Variants in GOLIM4 observed in about 807,000 individuals in gnomAD.
GOLIM4 encodes the protein 130 kDa golgi-localized phosphoprotein.
In GOLIM4, 71 loss-of-function variants were observed where a neutral mutation model predicts 107.4. The observed-to-expected ratio is 0.66, with a 90% CI of 0.55 to 0.81. The LOEUF (loss-of-function observed/expected upper bound fraction) is 0.81, where lower values mean the gene tolerates loss of function less well. GOLIM4 is among the 30% of genes least tolerant of loss of function. The probability of loss-of-function intolerance (pLI) is 0.00; values close to 1 mark genes in which losing one functional copy is unlikely to be tolerated. For missense variants in GOLIM4, 830 were observed against 826.1 expected (o/e 1.00, Z -0.06); for synonymous variants, 327 against 294.8 (o/e 1.11, Z -1.12).
Position 168,024,921 on chromosome 3 carries a change from T to G in GOLIM4, c.1791+7A>C. The G allele has an allele frequency of 6.2e-7, 1 of 1,611,966 alleles. No individual in the cohort carries two copies. The highest frequency in any genetic ancestry group is 1.1e-5 in the South Asian group (1 of 90,888). ...TAAATCCACCCTTCCTCGTGGCATC[T>G]GCTTACCACCAAATGTTCCTCCACT... is the stretch of plus-strand genomic sequence containing the variant. On this transcript the variant is annotated splice_region_variant and intron_variant, in intron 13 of 15. Coordinates refer to ENST00000470487, the MANE Select transcript of GOLIM4 (RefSeq NM_014498.5).
chr3:168,092,411 A>G (rs1255133820), intron 1 of GOLIM4, among the ~76,000 whole-genome samples: 1 of 152,184 alleles, frequency 6.6e-6, no homozygotes, highest in African/African-American at 2.4e-5. Flanking sequence ...GGGCTCTTCT[A>G]CAATAAAACT....
Position 168,010,764 on chromosome 3 carries a change from G to C in GOLIM4, c.1920C>G (p.Thr640=). The C allele has an allele frequency of 6.2e-7, 1 of 1,610,528 alleles. No homozygotes were observed. The highest frequency in any genetic ancestry group is 8.5e-7 in the Non-Finnish European group (1 of 1,177,224). Reference sequence around the variant, plus strand: ...ATACATTTTCATCATTTTCACCATAGGTCTCTTCAGCATTATGCTCCAGTT... The same window carrying C: ...ATACATTTTCATCATTTTCACCATACGTCTCTTCAGCATTATGCTCCAGTT... ...KRELEHNAEE[T]YGENDENTDD... is the part of the protein sequence containing the mutation. Residue 640 remains threonine (T), a synonymous_variant, in exon 15 of 16, where the codon ACC becomes ACG. Coordinates refer to ENST00000470487, the MANE Select transcript of GOLIM4 (RefSeq NM_014498.5).
rs756118843 is a variant in GOLIM4 at position 168,095,086 on chromosome 3, C to G, written c.187+13G>C. 3 of 1,585,388 alleles carry G rather than the reference C, an allele frequency of 1.9e-6. No homozygotes were observed. The highest frequency in any genetic ancestry group is 2.6e-6 in the Non-Finnish European group (3 of 1,159,798). ...AAGTTGGCCACCGGCTGCGCGCGTC[C>G]CGTTAGCCGTACCTTGTAACTGGGC... is the stretch of plus-strand genomic sequence containing the variant. On this transcript the variant is annotated intron_variant, in intron 1 of 15. Transcript: ENST00000470487.
At chr3:168,022,935 G>C (rs375855832) in intron 14 of GOLIM4, among the ~76,000 whole-genome samples, 1 of 152,118 alleles carries the variant, frequency 6.6e-6, no homozygotes, top group South Asian at 2.1e-4. Context: ...GCTGAGTTTA[G>C]GCAGCACTCA....
chr3:168,022,658 A>G (rs1013426181), intron 14 of GOLIM4, among the ~76,000 whole-genome samples: 11 of 152,194 alleles, frequency 7.2e-5, no homozygotes, highest in African/African-American at 2.7e-4. Flanking sequence ...AACATGAACA[A>G]GGGACACTCG....
rs371617722 is a variant in GOLIM4, at chr3:168,032,585, C to T, written c.1111G>A (p.Glu371Lys). The T allele has an allele frequency of 2.5e-6, 4 of 1,614,114 alleles. No individual in the cohort carries two copies. In the South Asian group the frequency reaches 4.4e-5, roughly 18 times the overall value. ...CGTTGCTCATGCTGCTCTTTCCACTCCCGATCCTGCTCCTCTGGTGATGGA... is the reference window on the plus strand; with the variant it reads ...CGTTGCTCATGCTGCTCTTTCCACTTCCGATCCTGCTCCTCTGGTGATGGA... ...HDPSPEEQDR[E>K]WKEQHEQREA... The change falls in exon 9 of 16, where the codon GAG (glutamate) becomes AAG (lysine). Residue 371 changes from glutamate (E) to lysine (K), a missense_variant. Coordinates refer to ENST00000470487, the MANE Select transcript of GOLIM4 (RefSeq NM_014498.5).
rs370148837 is a variant in GOLIM4, at chr3:168,045,460, T to C, written c.313-579A>G. Among the ~76,000 whole-genome samples the C allele has an allele frequency of 2.6e-5, 4 of 152,326 alleles. No individual in the cohort carries two copies. The East Asian group carries it at 7.7e-4, about 29-fold the overall frequency. The stretch of plus-strand genomic sequence containing the variant: ...TGCCAAGAGCAAATATTTCATTAAG[T>C]AGCAGAGCCAGGATTGAAACTTGAG... On this transcript the variant is annotated intron_variant, in intron 3 of 15. Transcript: ENST00000470487.
At chr3:168,082,938 C>T (rs906027460) in intron 1 of GOLIM4, among the ~76,000 whole-genome samples, 2 of 152,176 alleles carry the variant, frequency 1.3e-5, no homozygotes, top group South Asian at 4.1e-4. Flanking sequence ...ATAATCTATC[C>T]ACTTCCCAAT....
At chr3:168,075,499 C>T (rs1039897784) in intron 1 of GOLIM4, among the ~76,000 whole-genome samples, 3 of 151,520 alleles carry the variant, frequency 2.0e-5, no homozygotes, top group South Asian at 2.1e-4. Flanking sequence ...GGGGTTTCAC[C>T]GTTTTAGCCG....
In GOLIM4 at chr3:168,043,535, A is replaced by G; in HGVS notation, c.367-6T>C. ...TTTAGCTCCTCGTGTTGGCTCTGCAAAGATGAAAACTTGAGTAGAAATATA... is the reference window on the plus strand; with the variant it reads ...TTTAGCTCCTCGTGTTGGCTCTGCAGAGATGAAAACTTGAGTAGAAATATA... On this transcript the variant is annotated splice_polypyrimidine_tract_variant and splice_region_variant and intron_variant, in intron 4 of 15. Coordinates refer to ENST00000470487, the MANE Select transcript of GOLIM4 (RefSeq NM_014498.5). 6 of 1,596,662 alleles carry G rather than the reference A, an allele frequency of 3.8e-6. No homozygotes were observed. The highest frequency in any genetic ancestry group is 5.1e-6 in the Non-Finnish European group (6 of 1,175,124).
intron 1 of GOLIM4, among the ~76,000 whole-genome samples, chr3:168,060,490 GAAGT>G (rs1178808690): frequency 1.3e-5 from 2 of 152,198 alleles, no homozygotes; most frequent in East Asian, 3.8e-4. Context: ...AGGAAGATCA[GAAGT>G]AAGATATGAT....
chr3:168,055,971 C>T (rs1020440647), intron 1 of GOLIM4, among the ~76,000 whole-genome samples: 3 of 152,204 alleles, frequency 2.0e-5, no homozygotes, highest in Admixed American at 2.0e-4. Context: ...GCGTAAGTAA[C>T]TAGGAGCCAA....
At chr3:168,021,023 A>G (rs1717647172) in intron 14 of GOLIM4, among the ~76,000 whole-genome samples, 1 of 152,174 alleles carries the variant, frequency 6.6e-6, no homozygotes, top group African/African-American at 2.4e-5. Context: ...TTTCCCAAAC[A>G]ATGCTTCTTG....
At chr3:168,056,528 A>G (rs1000486883) in intron 1 of GOLIM4, among the ~76,000 whole-genome samples, 1 of 152,194 alleles carries the variant, frequency 6.6e-6, no homozygotes, top group Non-Finnish European at 1.5e-5. Context: ...GACACTCAAC[A>G]CGAGCCCATG....
At chr3:168,039,262 A>C (rs1219548004) in intron 7 of GOLIM4, among the ~76,000 whole-genome samples, 1 of 145,416 alleles carries the variant, frequency 6.9e-6, no homozygotes, top group Admixed American at 6.8e-5. Context: ...AAGAAAAAAA[A>C]AATTTTTTTT....
intron 1 of GOLIM4, among the ~76,000 whole-genome samples, chr3:168,068,188 C>T (rs528774483): frequency 3.3e-5 from 5 of 152,124 alleles, no homozygotes; most frequent in African/African-American, 1.2e-4. Context: ...ATAACTTTCA[C>T]AAGATTTCAA....
intron 1 of GOLIM4, among the ~76,000 whole-genome samples, chr3:168,093,243 A>G (rs570737713): frequency 2.0e-5 from 3 of 152,370 alleles, no homozygotes; most frequent in East Asian, 3.9e-4. Context: ...ACTTGAACAA[A>G]ATATTTTCTT....
chr3:168,042,548 T>C (rs950216163), intron 5 of GOLIM4, among the ~76,000 whole-genome samples: 1 of 152,254 alleles, frequency 6.6e-6, no homozygotes, highest in Admixed American at 6.5e-5. Context: ...CCCAAAGTGC[T>C]AGGATTACAG....
At chr3:168,056,358 G>A (rs1161990091) in intron 1 of GOLIM4, among the ~76,000 whole-genome samples, 1 of 152,228 alleles carries the variant, frequency 6.6e-6, no homozygotes, top group African/African-American at 2.4e-5. Flanking sequence ...CTCAGGGGGA[G>A]GGCACTCATG....
Sources: allele counts gnomAD v4.1 joint callset (sites outside exome capture counted in the v4.1 genomes callset), GRCh38; gene constraint gnomAD v4.1.1; transcripts MANE v1.5; gene names NCBI Gene and HGNC (gene_info 2026-07-23, HGNC 2026-07-21).